Variants in SLC35D4 observed in about 807,000 individuals in gnomAD.
SLC35D4 encodes the protein UDP-N-acetylglucosamine transporter SLC35D4.
the SLC35D4 span, among the ~76,000 whole-genome samples, chr18:23,403,591 T>G: frequency 6.6e-6 from 1 of 152,162 alleles, no homozygotes; most frequent in Non-Finnish European, 1.5e-5. Context: ...TGGTCTAACT[T>G]GTATTTTGAC....
chr18:23,303,174 C>G, the SLC35D4 span, among the ~76,000 whole-genome samples: 53 of 152,350 alleles, frequency 3.5e-4, 1 homozygote, highest in Non-Finnish European at 8.8e-5. Context: ...CAAGGCAGAA[C>G]AGCTCTGTGC....
the SLC35D4 span, among the ~76,000 whole-genome samples, chr18:23,358,269 A>G: frequency 6.6e-6 from 1 of 152,210 alleles, no homozygotes; most frequent in South Asian, 2.1e-4. Context: ...AATGAAACTT[A>G]GGACCTTGAG....
chr18:23,286,612 G>A, the SLC35D4 span, among the ~76,000 whole-genome samples: 4 of 151,862 alleles, frequency 2.6e-5, no homozygotes, highest in East Asian at 1.9e-4. Context: ...GGGTAAGTCC[G>A]TCCCCTTCTT....
the SLC35D4 span, among the ~76,000 whole-genome samples, chr18:23,316,916 G>A: frequency 4.6e-5 from 7 of 152,200 alleles, no homozygotes; most frequent in South Asian, 1.4e-3. Context: ...CAACATCCCT[G>A]CACAGGAGGC....
chr18:23,316,659 G>A, the SLC35D4 span, among the ~76,000 whole-genome samples: 4 of 138,716 alleles, frequency 2.9e-5, no homozygotes, highest in Admixed American at 6.8e-5. Context: ...CACAGATGAG[G>A]AACAAAAGGA....
At chr18:23,323,673 GAAGCCC>G in the SLC35D4 span, among the ~76,000 whole-genome samples, 2 of 152,144 alleles carry the variant, frequency 1.3e-5, no homozygotes, top group African/African-American at 4.8e-5. Context: ...TTCACAAGTT[GAAGCCC>G]AACCCCCAGT....
At chr18:23,240,345 G>A in the SLC35D4 span, among the ~76,000 whole-genome samples, 13 of 152,210 alleles carry the variant, frequency 8.5e-5, no homozygotes, top group Middle Eastern at 6.8e-3. Flanking sequence ...TGTAGAAGTC[G>A]TTGCCCTTCC....
the SLC35D4 span, among the ~76,000 whole-genome samples, chr18:23,410,677 G>C: frequency 6.6e-6 from 1 of 151,856 alleles, no homozygotes; most frequent in South Asian, 2.1e-4. Flanking sequence ...GGCGCCTGTA[G>C]TGCCAGCTAC....
At chr18:23,428,301 T>C in the SLC35D4 span, among the ~76,000 whole-genome samples, 6 of 151,884 alleles carry the variant, frequency 4.0e-5, no homozygotes, top group African/African-American at 1.5e-4. Context: ...CATAAGAAAA[T>C]TGTCCACCTT....
the SLC35D4 span, among the ~76,000 whole-genome samples, chr18:23,380,467 T>C: frequency 1.3e-5 from 2 of 152,050 alleles, no homozygotes; most frequent in Non-Finnish European, 2.9e-5. Flanking sequence ...CTCAAATCTA[T>C]CCACCAGGGA....
the SLC35D4 span, among the ~76,000 whole-genome samples, chr18:23,312,906 T>C: frequency 2.0e-5 from 3 of 151,504 alleles, no homozygotes; most frequent in East Asian, 5.8e-4. Context: ...GACGGGCGGA[T>C]CACGAGGTCA....
chr18:23,243,976 C>T, the SLC35D4 span, among the ~76,000 whole-genome samples: 4 of 152,000 alleles, frequency 2.6e-5, no homozygotes, highest in East Asian at 7.7e-4. Flanking sequence ...TTGACAGTCG[C>T]TTCGTGATTT....
At chr18:23,363,357 A>G in the SLC35D4 span, among the ~76,000 whole-genome samples, 3 of 149,570 alleles carry the variant, frequency 2.0e-5, no homozygotes, top group Non-Finnish European at 4.4e-5. Context: ...GCCTTTGACA[A>G]AAGCACATTT....
chr18:23,427,249 A>C, the SLC35D4 span, among the ~76,000 whole-genome samples: 343 of 152,356 alleles, frequency 2.3e-3, 4 homozygotes, highest in African/African-American at 8.1e-3. Context: ...GAATGGGAGA[A>C]AATTTTTACA....
the SLC35D4 span, among the ~76,000 whole-genome samples, chr18:23,330,384 C>CT: frequency 2.4e-4 from 36 of 151,784 alleles, no homozygotes; most frequent in Admixed American, 1.7e-3. Flanking sequence ...GCCTTTTGAA[C>CT]TTTTTAAATG....
At chr18:23,350,527 C>T in the SLC35D4 span, among the ~76,000 whole-genome samples, 1 of 152,104 alleles carries the variant, frequency 6.6e-6, no homozygotes, top group Non-Finnish European at 1.5e-5. Flanking sequence ...CCTGTTCCAT[C>T]ACTACTGCTC....
chr18:23,388,692 G>A, the SLC35D4 span, among the ~76,000 whole-genome samples: 1 of 152,212 alleles, frequency 6.6e-6, no homozygotes, highest in Non-Finnish European at 1.5e-5. Flanking sequence ...ATGTCGAATT[G>A]TAATTCCCAA....
chr18:23,373,755 A>C, the SLC35D4 span: 12 of 1,613,618 alleles, frequency 7.4e-6, no homozygotes, highest in Non-Finnish European at 8.5e-6. Context: ...GGCCAGGAGG[A>C]GGAGGGCACT....
chr18:23,392,948 C>G, the SLC35D4 span, among the ~76,000 whole-genome samples: 1 of 152,094 alleles, frequency 6.6e-6, no homozygotes, highest in Admixed American at 6.6e-5. Context: ...CGGAGTCTCG[C>G]TCTGTCTTCC....
Sources: gnomAD v4.1 joint callset for allele counts (sites outside exome capture counted in the v4.1 genomes callset) on GRCh38, gnomAD v4.1.1 for gene constraint, MANE v1.5 for transcripts, NCBI Gene and HGNC (gene_info 2026-07-23, HGNC 2026-07-21) for gene names.